Variants in SELP observed in about 807,000 individuals in gnomAD.
SELP encodes the protein P-selectin.
In SELP, 92 loss-of-function variants were observed where a neutral mutation model predicts 104.1. That is an observed-to-expected ratio of 0.88 (90% CI 0.75 to 1.05). The LOEUF (loss-of-function observed/expected upper bound fraction) is 1.05. SELP is among the 50% of genes least tolerant of loss of function. The pLI, the probability that SELP is intolerant of heterozygous loss-of-function variation, is 0.00. For synonymous variants in SELP, 397 were observed against 364.5 expected (o/e 1.09, Z -1.01); for missense variants, 1,022 against 1,017.3 (o/e 1.00, Z -0.06).
chr1:169,617,555 T>C (rs1249785177), intron 2 of SELP, 141 bp from the exon 3 acceptor site: 3 of 857,802 alleles, frequency 3.5e-6, no homozygotes, highest in Non-Finnish European at 5.4e-6. Flanking sequence ...ATGTCTAATG[T>C]AGTTGTTTGA....
rs751308733 is a variant in SELP at position 169,596,079 on chromosome 1, C to G, written c.1947G>C (p.Gly649=). 12 of 1,613,726 alleles carry G rather than the reference C, an allele frequency of 7.4e-6. No individual in the cohort carries two copies. In the East Asian group the frequency reaches 2.5e-4, roughly 33 times the overall value. Residue 649 remains glycine (G), a synonymous_variant, in exon 12 of 17, where the codon GGG becomes GGC. Transcript: ENST00000263686. ...GATGCCTACAGTACATGGTTCCCTG[C>G]CCAGGAGTGGTGAGGGCTGGACATT... ...GVQCPALTTP[G]QGTMYCRHHP...
chr1:169,616,158 T>C (rs1475862306), intron 3 of SELP, among the ~76,000 whole-genome samples: 1 of 152,164 alleles, frequency 6.6e-6, no homozygotes, highest in East Asian at 1.9e-4. Context: ...CTCGAAGTAT[T>C]TCACCTTCAA....
chr1:169,608,844 C>T (rs192354919), intron 8 of SELP, among the ~76,000 whole-genome samples: 1 of 152,146 alleles, frequency 6.6e-6, no homozygotes, highest in East Asian at 1.9e-4. Context: ...GTGAGGTACT[C>T]CTCGTAAAAA....
At chr1:169,608,449 G>C (rs1421427941) in intron 8 of SELP, among the ~76,000 whole-genome samples, 4 of 152,056 alleles carry the variant, frequency 2.6e-5, no homozygotes, top group Non-Finnish European at 4.4e-5. Context: ...CATATGAGTG[G>C]AATCATACAG....
chr1:169,593,732 A>G lies in SELP; in HGVS notation c.2288-8T>C. 6.2e-7 allele frequency: 1 copy of G among 1,613,102 alleles called. No individual in the cohort carries two copies. The highest frequency in any genetic ancestry group is 8.5e-7 in the Non-Finnish European group (1 of 1,179,398). The stretch of plus-strand genomic sequence containing the variant: ...GGATAGTCAATGGTCCTGCTACAAA[A>G]CAAACACACACACATGCAAGACATA... On this transcript the variant is annotated splice_region_variant and splice_polypyrimidine_tract_variant and intron_variant, in intron 13 of 16. Coordinates refer to ENST00000263686, the MANE Select transcript of SELP (RefSeq NM_003005.4).
chr1:169,612,275 C>A lies in SELP; in HGVS notation c.903G>T (p.Pro301=). ...SCEEGFALVG[P]EVVQCTASGV... ...CCGAGGCTGTGCATTGCACCACTTC[C>A]GGTCCAACTAATGCAAATCCCTCTT... The change falls in exon 6 of 17, where the codon CCG becomes CCT. Residue 301 remains proline, a synonymous_variant. Transcript: ENST00000263686. The A allele has an allele frequency of 6.2e-7, 1 of 1,614,144 alleles. No homozygotes were observed. The highest frequency in any genetic ancestry group is 1.3e-5 in the African/African-American group (1 of 75,022).
chr1:169,611,480 G>A lies in SELP; in HGVS notation c.1147+12C>T. 9 of 1,612,876 alleles carry A rather than the reference G, an allele frequency of 5.6e-6. No homozygotes were observed. Among genetic ancestry groups the A allele is most frequent in the Non-Finnish European group, 7.6e-6 (9 of 1,179,248 alleles). On this transcript the variant is annotated intron_variant, in intron 7 of 16. Coordinates refer to ENST00000263686, the MANE Select transcript of SELP (RefSeq NM_003005.4). ...CTTGGACAGAATGGAGGTTGCTAAT[G>A]AAAAATCCTACCCTCACAGGTTGGC...
chr1:169,617,378 T>C lies in SELP; in HGVS notation c.131A>G (p.Tyr44Cys), dbSNP rs1156383217. The C allele has an allele frequency of 1.9e-6, 3 of 1,614,094 alleles. No individual in the cohort carries two copies. The highest frequency in any genetic ancestry group is 1.1e-5 in the South Asian group (1 of 91,074). ...TGAGTATGCTTTTGTGCTGTAATGA[T>C]AAGTCCATGCTGCCACTTCTTTCTG... Reference protein sequence around the residue: ...TNQKEVAAWTYHYSTKAYSWN... With the variant: ...TNQKEVAAWTCHYSTKAYSWN... Residue 44 changes from tyrosine to cysteine, a missense_variant, in exon 3 of 17, where the codon TAT becomes TGT. By Grantham distance (194) the Tyr-to-Cys change is radical. Coordinates refer to ENST00000263686, the MANE Select transcript of SELP (RefSeq NM_003005.4).
Position 169,603,126 on chromosome 1 carries a change from T to C in SELP, c.1605A>G (p.Thr535=). Residue 535 remains threonine (T), a synonymous_variant, in exon 10 of 17, where the codon ACA becomes ACG. Coordinates refer to ENST00000263686, the MANE Select transcript of SELP (RefSeq NM_003005.4). ...QPLGSSSYKS[T]CQFICDEGYS... ...ATCCCTCGTCACAGATGAATTGACA[T>C]GTGGATTTATAACTGGAACTTCCAA... 6.2e-7 allele frequency: 1 copy of C among 1,614,062 alleles called. No individual in the cohort carries two copies. Among genetic ancestry groups the C allele is most frequent in the Non-Finnish European group, 8.5e-7 (1 of 1,179,976 alleles).
intron 8 of SELP, among the ~76,000 whole-genome samples, 192 bp downstream of exon 8, chr1:169,609,312 A>T (rs376275707): frequency 2.0e-5 from 3 of 152,150 alleles, no homozygotes; most frequent in Admixed American, 2.0e-4. Flanking sequence ...TGACTATACT[A>T]TAGTGGACAT....
Position 169,594,788 on chromosome 1 carries a change from A to G in SELP, c.2191T>C (p.Ser731Pro). ...WGNFSYGSIC[S>P]FHCLEGQLLN... ...AACTGGCCCTCTAGACAATGGAAAG[A>G]GCAGATTGATCCATAACTGAAGTTT... Residue 731 changes from serine (S) to proline (P), a missense_variant, in exon 13 of 17, where the codon TCT becomes CCT. Physicochemically the swap from Ser to Pro is moderately conservative, Grantham distance 74. Transcript: ENST00000263686. 6.2e-7 allele frequency: 1 copy of G among 1,613,880 alleles called. No individual in the cohort carries two copies. Among genetic ancestry groups the G allele is most frequent in the Non-Finnish European group, 8.5e-7 (1 of 1,179,834 alleles).
intron 10 of SELP, among the ~76,000 whole-genome samples, chr1:169,599,768 T>A (rs999490848): frequency 2.0e-5 from 3 of 152,088 alleles, no homozygotes; most frequent in African/African-American, 7.2e-5. Context: ...AAAATGGAGA[T>A]GTCAGCTGGG....
In SELP at chr1:169,589,008, C is replaced by A. The variant is rs1271331759; in HGVS notation, c.*455G>T. Reference sequence around the variant, plus strand: ...TGCCATCCAGAGGACTCTCTGGAAGCCTCAGAGCAGAGGTCCAAGAGGCCT... The same window carrying A: ...TGCCATCCAGAGGACTCTCTGGAAGACTCAGAGCAGAGGTCCAAGAGGCCT... On this transcript the variant is annotated 3_prime_UTR_variant, in exon 17 of 17. Coordinates refer to ENST00000263686, the MANE Select transcript of SELP (RefSeq NM_003005.4). 1 of 152,130 alleles carries A rather than the reference C, an allele frequency of 6.6e-6. No individual in the cohort carries two copies. The highest frequency in any genetic ancestry group is 1.5e-5 in the Non-Finnish European group (1 of 68,022). 9.4% of individuals were successfully genotyped at this position (152,130 alleles called of 1,614,324 possible).
chr1:169,619,272 C>T, intron 1 of SELP, 53 bp from the exon 2 acceptor site: 1 of 1,270,252 alleles, frequency 7.9e-7, no homozygotes. Flanking sequence ...ACCAACATGG[C>T]CAAAAATAAT....
intron 12 of SELP, among the ~76,000 whole-genome samples, chr1:169,595,190 G>A (rs742126): frequency 0.3 from 45,095 of 152,020 alleles, 9,140 homozygotes; most frequent in African/African-American, 0.58. Flanking sequence ...TTAAAATACT[G>A]TTAGTCTAAA....
intron 1 of SELP, among the ~76,000 whole-genome samples, chr1:169,623,202 T>C (rs1293229801): frequency 6.6e-6 from 1 of 152,078 alleles, no homozygotes; most frequent in Non-Finnish European, 1.5e-5. Context: ...TTCAGACAGA[T>C]TGCAGAAGGA....
chr1:169,610,577 A>G (rs1466420864), intron 7 of SELP, among the ~76,000 whole-genome samples: 1 of 152,076 alleles, frequency 6.6e-6, no homozygotes, highest in African/African-American at 2.4e-5. Context: ...TGAGTGAATC[A>G]CTTGAGGTCG....
intron 1 of SELP, among the ~76,000 whole-genome samples, chr1:169,627,169 C>G (rs1663412808): frequency 6.6e-6 from 1 of 152,074 alleles, no homozygotes; most frequent in Non-Finnish European, 1.5e-5. Flanking sequence ...GTAGCAAAGC[C>G]CAGATGTTAC....
At chr1:169,606,669 G>A (rs1662215474) in intron 9 of SELP, among the ~76,000 whole-genome samples, 1 of 152,146 alleles carries the variant, frequency 6.6e-6, no homozygotes, top group Admixed American at 6.5e-5. Context: ...TTTGTGGCAG[G>A]AGCCTTCAGG....
Sources: allele counts gnomAD v4.1 joint callset (sites outside exome capture counted in the v4.1 genomes callset), GRCh38; gene constraint gnomAD v4.1.1; transcripts MANE v1.5; gene names NCBI Gene and HGNC (gene_info 2026-07-23, HGNC 2026-07-21).